ZBTB20: variants seen among roughly 807,000 people sequenced by gnomAD.
The protein encoded by ZBTB20 is zinc finger and BTB domain-containing protein 20.
In ZBTB20, 9 loss-of-function variants were observed where a neutral mutation model predicts 56.9. The ratio of observed to expected loss-of-function variants is 0.16; its 90% CI spans 0.10 to 0.28. ZBTB20 has a LOEUF of 0.28. ZBTB20 is among the 10% of genes least tolerant of loss of function. The pLI, the probability that ZBTB20 is intolerant of heterozygous loss-of-function variation, is 1.00. For missense variants in ZBTB20, 655 were observed against 1,003.0 expected (o/e 0.65, Z 4.69); for synonymous variants, 417 against 420.7 (o/e 0.99, Z 0.11).
At chr3:114,947,055 A>G (rs2076911095) in intron 3 of ZBTB20, among the ~76,000 whole-genome samples, 1 of 146,154 alleles carries the variant, frequency 6.8e-6, no homozygotes, top group Non-Finnish European at 1.5e-5. Context: ...ACATATAAAA[A>G]AAAAAGCTCA....
At chr3:114,912,701 C>A (rs9867121) in intron 3 of ZBTB20, among the ~76,000 whole-genome samples, 39,791 of 151,644 alleles carry the variant, frequency 0.26, 5,874 homozygotes, top group African/African-American at 0.4. Flanking sequence ...GATCTTACTC[C>A]TTCTTTCTAG....
intron 2 of ZBTB20, among the ~76,000 whole-genome samples, chr3:115,000,617 A>G (rs1189570960): frequency 1.3e-5 from 2 of 151,580 alleles, no homozygotes; most frequent in African/African-American, 4.8e-5. Context: ...CTCAGTATCC[A>G]TGTTGTGGAC....
intron 6 of ZBTB20, among the ~76,000 whole-genome samples, chr3:114,572,086 G>A (rs1243748586): frequency 1.3e-5 from 2 of 151,462 alleles, no homozygotes; most frequent in Non-Finnish European, 3.0e-5. Context: ...AGACAAAGAT[G>A]ATTACTATTC....
intron 3 of ZBTB20, among the ~76,000 whole-genome samples, chr3:114,915,240 A>G (rs1178345634): frequency 6.6e-6 from 1 of 151,824 alleles, no homozygotes; most frequent in Non-Finnish European, 1.5e-5. Context: ...TACAGCTACC[A>G]TCTCATTACT....
At chr3:114,783,984 A>G (rs976411368) in intron 5 of ZBTB20, among the ~76,000 whole-genome samples, 3 of 152,134 alleles carry the variant, frequency 2.0e-5, no homozygotes, top group African/African-American at 7.2e-5. Flanking sequence ...AATTCTTATC[A>G]TTTTAATGAG....
At chr3:114,728,608 A>G (rs2065482375) in intron 5 of ZBTB20, among the ~76,000 whole-genome samples, 2 of 152,246 alleles carry the variant, frequency 1.3e-5, no homozygotes, top group Admixed American at 1.3e-4. Context: ...GTCTAGTTAC[A>G]GTAACTGCCC....
At chr3:114,832,349 T>C (rs2073896669) in intron 4 of ZBTB20, among the ~76,000 whole-genome samples, 1 of 152,088 alleles carries the variant, frequency 6.6e-6, no homozygotes, top group African/African-American at 2.4e-5. Flanking sequence ...CTTTGATATA[T>C]AGAACATTTA....
chr3:114,634,917 G>A (rs115518643), intron 6 of ZBTB20, among the ~76,000 whole-genome samples: 185 of 152,286 alleles, frequency 1.2e-3, no homozygotes, highest in Non-Finnish European at 2.4e-3. Flanking sequence ...CCAGGGATGC[G>A]TAGGAGCAAA....
intron 6 of ZBTB20, among the ~76,000 whole-genome samples, chr3:114,631,585 G>A (rs2058953162): frequency 6.6e-6 from 1 of 151,240 alleles, no homozygotes. Context: ...TAGAGACAGG[G>A]TTTCACCATA....
chr3:114,809,661 G>C (rs1235889924), intron 4 of ZBTB20, among the ~76,000 whole-genome samples: 2 of 152,028 alleles, frequency 1.3e-5, no homozygotes, highest in Middle Eastern at 3.4e-3. Flanking sequence ...TTTAACATCT[G>C]CTATCTCCAC....
chr3:114,699,054 A>G (rs1560142079), intron 5 of ZBTB20, among the ~76,000 whole-genome samples: 1 of 152,288 alleles, frequency 6.6e-6, no homozygotes, highest in East Asian at 1.9e-4. Flanking sequence ...ATAATACTGT[A>G]AGAGAAATAT....
At chr3:114,880,684 AT>A (rs2076365724) in intron 4 of ZBTB20, among the ~76,000 whole-genome samples, 1 of 152,192 alleles carries the variant, frequency 6.6e-6, no homozygotes, top group Admixed American at 6.5e-5. Flanking sequence ...ATGTCCAAAA[AT>A]TAGAGATCAG....
intron 4 of ZBTB20, among the ~76,000 whole-genome samples, chr3:114,870,981 C>A (rs1010558242): frequency 1.3e-5 from 2 of 151,970 alleles, no homozygotes; most frequent in Non-Finnish European, 2.9e-5. Flanking sequence ...ATTTTTCATT[C>A]CCCCAATTCC....
chr3:114,372,208 T>C (rs2083100895), intron 10 of ZBTB20, among the ~76,000 whole-genome samples: 1 of 152,150 alleles, frequency 6.6e-6, no homozygotes, highest in African/African-American at 2.4e-5. Context: ...GAAGCACACA[T>C]GAAACTGTCA....
intron 11 of ZBTB20, among the ~76,000 whole-genome samples, chr3:114,349,667 A>G (rs2080481078): frequency 6.6e-6 from 1 of 152,188 alleles, no homozygotes; most frequent in African/African-American, 2.4e-5. Context: ...TTTGGAGCCA[A>G]ACTATACAAA....
intron 10 of ZBTB20, among the ~76,000 whole-genome samples, chr3:114,376,040 A>G (rs1473820869): frequency 6.6e-6 from 1 of 152,256 alleles, no homozygotes; most frequent in Non-Finnish European, 1.5e-5. Context: ...GCCAAAAATT[A>G]CAACATTATG....
chr3:115,113,846 CTAAA>C (rs1031970334), intron 1 of ZBTB20, among the ~76,000 whole-genome samples: 6 of 151,808 alleles, frequency 4.0e-5, no homozygotes, highest in Non-Finnish European at 5.9e-5. Context: ...GAATTTGTTA[CTAAA>C]TAATATTGCC....
chr3:114,817,124 G>T (rs561873286), intron 4 of ZBTB20, among the ~76,000 whole-genome samples: 3 of 151,884 alleles, frequency 2.0e-5, no homozygotes, highest in African/African-American at 7.3e-5. Context: ...ACAAGAATAT[G>T]ACTCCGTGTG....
intron 7 of ZBTB20, among the ~76,000 whole-genome samples, chr3:114,441,980 A>G (rs2090962081): frequency 1.3e-5 from 2 of 152,172 alleles, no homozygotes; most frequent in Admixed American, 6.6e-5. Context: ...AAATTTACAA[A>G]TTTTATAAGT....
Sources: allele counts gnomAD v4.1 joint callset (sites outside exome capture counted in the v4.1 genomes callset), GRCh38; gene constraint gnomAD v4.1.1; transcripts MANE v1.5; gene names NCBI Gene and HGNC (gene_info 2026-07-23, HGNC 2026-07-21).